UBAP1: variants seen among roughly 807,000 people sequenced by gnomAD.
UBAP1 encodes ubiquitin-associated protein 1.
A neutral mutation model predicts 39.0 loss-of-function variants in UBAP1; 5 were observed. The observed-to-expected ratio is 0.13, with a 90% CI of 0.07 to 0.27. The LOEUF (loss-of-function observed/expected upper bound fraction) is 0.27, where lower values mean the gene tolerates loss of function less well. Ranked by LOEUF, UBAP1 falls within the 10% of genes least tolerant of loss-of-function variation. The pLI is 1.00. For missense variants in UBAP1, 490 were observed against 608.1 expected (o/e 0.81, Z 2.04); for synonymous variants, 211 against 225.1 (o/e 0.94, Z 0.56).
chr9:34,191,546 A>G (rs1830721034), intron 1 of UBAP1: 1 of 158,722 alleles, frequency 6.3e-6, no homozygotes, highest in African/African-American at 2.4e-5. Context: ...GGACTTCTAA[A>G]AGGCAAATAT....
intron 1 of UBAP1, among the ~76,000 whole-genome samples, chr9:34,182,829 GCCTCCTGAATA>G: frequency 6.6e-6 from 1 of 151,810 alleles, no homozygotes; most frequent in Admixed American, 6.6e-5. Context: ...TCCTGCCTCA[GCCTCCTGAATA>G]GCTGGGACTA....
intron 2 of UBAP1, among the ~76,000 whole-genome samples, chr9:34,230,156 C>T (rs574802604): frequency 1.5e-3 from 224 of 152,176 alleles, no homozygotes; most frequent in Middle Eastern, 3.4e-3. Flanking sequence ...TTCTGCCTCC[C>T]GGGTTAAAGC....
intron 1 of UBAP1, among the ~76,000 whole-genome samples, chr9:34,184,926 CTTT>C (rs35634769): frequency 9.5e-6 from 1 of 105,032 alleles, no homozygotes; most frequent in African/African-American, 3.9e-5. Flanking sequence ...CCAGCCAATC[CTTT>C]TTTTTTTTTT....
chr9:34,221,491 C>T, intron 2 of UBAP1, among the ~76,000 whole-genome samples: 1 of 149,492 alleles, frequency 6.7e-6, no homozygotes, highest in Non-Finnish European at 1.5e-5. Context: ...GATCGCACCA[C>T]TGCACTCCAG....
intron 3 of UBAP1, among the ~76,000 whole-genome samples, chr9:34,234,641 A>G (rs1056290637): frequency 1.3e-5 from 2 of 150,846 alleles, no homozygotes; most frequent in Non-Finnish European, 3.0e-5. Flanking sequence ...AATGATAGAT[A>G]TATATATATA....
intron 4 of UBAP1, among the ~76,000 whole-genome samples, chr9:34,246,089 T>A (rs1158305535): frequency 6.6e-6 from 1 of 152,224 alleles, no homozygotes; most frequent in Admixed American, 6.5e-5. Context: ...TCTTTATTTT[T>A]AAATTTTTAT....
chr9:34,225,020 A>T (rs1587852569), intron 2 of UBAP1, among the ~76,000 whole-genome samples: 1 of 152,168 alleles, frequency 6.6e-6, no homozygotes, highest in East Asian at 1.9e-4. Context: ...AGCATCATAG[A>T]GATAGAGATT....
chr9:34,203,503 C>T (rs1007450090), intron 1 of UBAP1, among the ~76,000 whole-genome samples: 6 of 152,070 alleles, frequency 3.9e-5, no homozygotes, highest in African/African-American at 1.4e-4. Flanking sequence ...GTGAATGAGA[C>T]AGAAGTGGTA....
intron 1 of UBAP1, among the ~76,000 whole-genome samples, chr9:34,183,188 CA>C (rs1219450591): frequency 6.6e-6 from 1 of 152,054 alleles, no homozygotes; most frequent in Non-Finnish European, 1.5e-5. Flanking sequence ...CATCATTTAT[CA>C]GGTGGTTTTC....
intron 2 of UBAP1, among the ~76,000 whole-genome samples, chr9:34,226,341 A>G (rs1028245751): frequency 2.0e-5 from 3 of 151,430 alleles, no homozygotes; most frequent in African/African-American, 7.3e-5. Context: ...TGCTCAAGCA[A>G]TTCTCCTGTC....
At chr9:34,249,646 G>T in intron 4 of UBAP1, 133 bp from the exon 5 acceptor site, 1 of 817,586 alleles carries the variant, frequency 1.2e-6, no homozygotes. Context: ...GCAACCTGGC[G>T]ATTTCTTCCA....
At chr9:34,224,494 T>G (rs1832943227) in intron 2 of UBAP1, 1 of 387,436 alleles carries the variant, frequency 2.6e-6, no homozygotes, top group Non-Finnish European at 4.9e-6. Context: ...AAACATGGAC[T>G]GTGTGGACGT....
At position 34,242,103 on chromosome 9, in the gene UBAP1, C is replaced by G; in HGVS notation, c.1078C>G (p.Pro360Ala). The change falls in exon 4 of 7, where the codon CCC (proline) becomes GCC (alanine). Residue 360 changes from proline to alanine, a missense_variant. Coordinates refer to ENST00000297661, the MANE Select transcript of UBAP1 (RefSeq NM_016525.5). The stretch of plus-strand genomic sequence containing the variant: ...GGAATCATCACCTCCAAATACTGGT[C>G]CCACGGTAAGTCTTTTAAATCCCCC... Reference protein sequence around the residue: ...TEESSPPNTGPTVTPPNFSVS... With the variant: ...TEESSPPNTGATVTPPNFSVS... 6.3e-7 allele frequency: 1 copy of G among 1,587,326 alleles called. No individual in the cohort carries two copies. Among genetic ancestry groups the G allele is most frequent in the Non-Finnish European group, 8.6e-7 (1 of 1,160,214 alleles).
intron 2 of UBAP1, among the ~76,000 whole-genome samples, chr9:34,226,141 G>GTT (rs1563911394): frequency 5.9e-4 from 67 of 112,844 alleles, no homozygotes; most frequent in Middle Eastern, 9.6e-3. Context: ...GTGTGTGTGT[G>GTT]TGTGTGTGTG....
chr9:34,221,992 A>C (rs941332102), intron 2 of UBAP1, among the ~76,000 whole-genome samples: 2 of 152,168 alleles, frequency 1.3e-5, no homozygotes, highest in Non-Finnish European at 2.9e-5. Flanking sequence ...AGCCAGGCAC[A>C]GTGGCATGTG....
At chr9:34,190,759 C>T (rs1171363038) in intron 1 of UBAP1, among the ~76,000 whole-genome samples, 4 of 150,774 alleles carry the variant, frequency 2.7e-5, no homozygotes, top group African/African-American at 9.8e-5. Context: ...ACCTCAGCCT[C>T]CCGAGTAGCT....
intron 1 of UBAP1, among the ~76,000 whole-genome samples, chr9:34,209,520 ATTG>A (rs1831901521): frequency 6.6e-6 from 1 of 151,684 alleles, no homozygotes; most frequent in South Asian, 2.1e-4. Context: ...TGCACTCTTT[ATTG>A]TTAATAAAGT....
intron 1 of UBAP1, among the ~76,000 whole-genome samples, chr9:34,189,973 T>G (rs943889723): frequency 9.9e-5 from 15 of 152,162 alleles, no homozygotes; most frequent in African/African-American, 3.6e-4. Context: ...TTTATTATAT[T>G]TCCGAGATAT....
At position 34,241,739 on chromosome 9, in the gene UBAP1, A is replaced by G; in HGVS notation, c.714A>G (p.Pro238=). The G allele has an allele frequency of 6.2e-7, 1 of 1,613,944 alleles. No individual in the cohort carries two copies. The highest frequency in any genetic ancestry group is 8.5e-7 in the Non-Finnish European group (1 of 1,179,990). ...LHKPNGFITL[P]QLGNCEKMSL... Reference sequence around the variant, plus strand: ...AACCCAATGGCTTTATAACCTTACCACAGTTGGGCAACTGTGAAAAGATGT... The same window carrying G: ...AACCCAATGGCTTTATAACCTTACCGCAGTTGGGCAACTGTGAAAAGATGT... The change falls in exon 4 of 7, where the codon CCA becomes CCG. Residue 238 remains proline (P), a synonymous_variant. Transcript: ENST00000297661.
Sources: gnomAD v4.1 joint callset for allele counts (sites outside exome capture counted in the v4.1 genomes callset) on GRCh38, gnomAD v4.1.1 for gene constraint, MANE v1.5 for transcripts, NCBI Gene and HGNC (gene_info 2026-07-23, HGNC 2026-07-21) for gene names.